The following VEGFA variants were observed in gnomAD, a reference collection of about 807,000 sequenced individuals.
The protein encoded by VEGFA is vascular endothelial growth factor A, also known as vascular endothelial growth factor A, long form.
A neutral mutation model predicts 49.7 loss-of-function variants in VEGFA; 20 were observed. The ratio of observed to expected loss-of-function variants is 0.40; its 90% CI spans 0.28 to 0.58. The LOEUF (loss-of-function observed/expected upper bound fraction) is 0.58, where lower values mean the gene tolerates loss of function less well. Among genes scored for constraint, VEGFA ranks in the 20% least tolerant of loss-of-function variants. VEGFA has a pLI of 0.40. For synonymous variants in VEGFA, 219 were observed against 223.4 expected (o/e 0.98, Z 0.18); for missense variants, 505 against 553.5 (o/e 0.91, Z 0.88).
In VEGFA at chr6:43,778,876, C is replaced by T; in HGVS notation, c.933-13C>T. 6.2e-7 allele frequency: 1 copy of T among 1,614,232 alleles called. No individual in the cohort carries two copies. The highest frequency in any genetic ancestry group is 8.5e-7 in the Non-Finnish European group (1 of 1,180,048). ...CCCTGTTTTGCTCTTTTCTCTCTCC[C>T]TACCCATTGCAGACCAAAGAAAGAT... On this transcript the variant is annotated splice_polypyrimidine_tract_variant and intron_variant, in intron 4 of 7. Transcript: ENST00000672860.
At position 43,786,335 on chromosome 6, in the gene VEGFA, G is replaced by C. The variant is rs1769444303; in HGVS notation, c.*1773G>C. On this transcript the variant is annotated 3_prime_UTR_variant, in exon 8 of 8. Coordinates refer to ENST00000672860, the MANE Select transcript of VEGFA (RefSeq NM_003376.6). ...TACTGTTTATCCGTAATAATTGTGG[G>C]GAAAAGATATTAACATCACGTCTTT... 2 of 178,508 alleles carry C rather than the reference G, an allele frequency of 1.1e-5. No homozygotes were observed. The highest frequency in any genetic ancestry group is 1.3e-4 in the Admixed American group (2 of 15,758). The allele number at this position is 178,508 out of a possible 1,614,324, so 11.1% of individuals were successfully genotyped here.
At chr6:43,776,088 T>C (rs780521343) in intron 2 of VEGFA, 4 of 152,216 alleles carry the variant, frequency 2.6e-5, no homozygotes, top group African/African-American at 4.8e-5. Flanking sequence ...AAACTTCATA[T>C]TACCCAGGCT....
Position 43,784,709 on chromosome 6 carries a change from G to A in VEGFA, c.*147G>A, listed in dbSNP as rs2128063512. 1 of 1,462,370 alleles carries A rather than the reference G, an allele frequency of 6.8e-7. No homozygotes were observed. Among genetic ancestry groups the A allele is most frequent in the South Asian group, 1.2e-5 (1 of 86,948 alleles). The allele number at this position is 1,462,370 out of a possible 1,614,324, so 90.6% of individuals were successfully genotyped here. A position where few individuals can be genotyped will look rare whatever the true frequency, so the allele number is the denominator to read the frequency against. On this transcript the variant is annotated 3_prime_UTR_variant, in exon 8 of 8. Coordinates refer to ENST00000672860, the MANE Select transcript of VEGFA (RefSeq NM_003376.6). ...AGAACAGTCCTTAATCCAGAAACCT[G>A]AAATGAAGGAAGAGGAGACTCTGCG... is the stretch of plus-strand genomic sequence containing the variant.
At position 43,782,080 on chromosome 6, in the gene VEGFA, A is replaced by G; in HGVS notation, c.1159A>G (p.Thr387Ala). Residue 387 changes from threonine (T) to alanine (A), a missense_variant, in exon 7 of 8, where the codon ACT (threonine) becomes GCT (alanine). By Grantham distance (58) the Thr-to-Ala change is moderately conservative. Coordinates refer to ENST00000672860, the MANE Select transcript of VEGFA (RefSeq NM_003376.6). The stretch of plus-strand genomic sequence containing the variant: ...GAGGCAGCTTGAGTTAAACGAACGT[A>G]CTTGCAGGTTGGTTCCCAGAGGGCA... The G allele has an allele frequency of 6.2e-7, 1 of 1,613,838 alleles. No homozygotes were observed. The highest frequency in any genetic ancestry group is 8.5e-7 in the Non-Finnish European group (1 of 1,179,934).
chr6:43,782,622 G>C (rs1278584073), intron 7 of VEGFA: 1 of 222,530 alleles, frequency 4.5e-6, no homozygotes, highest in African/African-American at 2.3e-5. Flanking sequence ...CCTCCCTGAG[G>C]AAAGGGTTGT....
In VEGFA at chr6:43,773,516, C is replaced by G. The variant is rs756050451; in HGVS notation, c.607-825C>G. On this transcript the variant is annotated intron_variant, in intron 1 of 7. Coordinates refer to ENST00000672860, the MANE Select transcript of VEGFA (RefSeq NM_003376.6). The surrounding 1 kb of genome is among the most constrained non-coding windows in gnomAD (Gnocchi z 5.6). ...GGCCTAAGGTGGTGCAGGGGGCCCC[C>G]TAGGGGCTGGGCAGTGCCAAGGCAT... is the stretch of plus-strand genomic sequence containing the variant. 1.3e-5 allele frequency: 2 copies of G among 152,296 alleles called. No homozygotes were observed. The highest frequency in any genetic ancestry group is 4.8e-5 in the African/African-American group (2 of 41,432). The allele number at this position is 152,296 out of a possible 1,614,324, so 9.4% of individuals were successfully genotyped here.
chr6:43,783,918 G>T, intron 7 of VEGFA: 1 of 159,380 alleles, frequency 6.3e-6, no homozygotes, highest in Non-Finnish European at 1.4e-5. Flanking sequence ...AGAGAGATGA[G>T]GCCTACAGCC....
In VEGFA at chr6:43,780,785, G is replaced by A. The variant is rs150806902; in HGVS notation, c.1016G>A (p.Arg339Gln). 5.1e-5 allele frequency: 83 copies of A among 1,612,638 alleles called. No homozygotes were observed. Among genetic ancestry groups the A allele is most frequent in the African/African-American group, 6.7e-5 (5 of 74,612 alleles). The change falls in exon 6 of 8, where the codon CGG (arginine) becomes CAG (glutamine). Residue 339 changes from arginine (R) to glutamine (Q), a missense_variant. Around this residue, in one of 2 missense-constraint regions of VEGFA, gnomAD observed 165 missense variants for 231.7 expected, o/e 0.71. Coordinates refer to ENST00000672860, the MANE Select transcript of VEGFA (RefSeq NM_003376.6). ...CAAAAACGAAAGCGCAAGAAATCCC[G>A]GTATAAGTCCTGGAGCGTGTACGTT...
In VEGFA at chr6:43,777,691, AG is replaced by A. The variant is rs759307029; in HGVS notation, c.855+33del. ...GTGGGCATCTTTGGGAAGTGGGGCA[AG>A]GGGGGGATAGGGAGGGGGGTAACAC... On this transcript the variant is annotated intron_variant, in intron 3 of 7. Coordinates refer to ENST00000672860, the MANE Select transcript of VEGFA (RefSeq NM_003376.6). The surrounding 1 kb of genome is among the most constrained non-coding windows in gnomAD (Gnocchi z 4.3). 3.2e-4 allele frequency: 233 copies of A among 732,658 alleles called. No homozygotes were observed. Among genetic ancestry groups the A allele is most frequent in the Non-Finnish European group, 4.2e-4 (188 of 443,186 alleles). 45.4% of individuals were successfully genotyped at this position (732,658 alleles called of 1,614,324 possible).
chr6:43,780,179 T>C (rs1766966642), intron 5 of VEGFA: 1 of 215,106 alleles, frequency 4.6e-6, no homozygotes, highest in Non-Finnish European at 9.4e-6. Context: ...GGTAGCCGCT[T>C]CCCCCACACC....
At chr6:43,784,057 C>G in intron 7 of VEGFA, 1 of 217,378 alleles carries the variant, frequency 4.6e-6, no homozygotes, top group Non-Finnish European at 9.3e-6. Flanking sequence ...CCCGGCCAAG[C>G]CTCTCTGCCT....
intron 7 of VEGFA, chr6:43,782,403 A>C: frequency 2.5e-6 from 1 of 400,530 alleles, no homozygotes; most frequent in Non-Finnish European, 4.8e-6. Context: ...CCTTCTGCTC[A>C]TAGTGGCTGT....
intron 6 of VEGFA, 29 bp downstream of exon 6, chr6:43,780,832 C>T (rs1265302549): frequency 1.2e-6 from 2 of 1,613,748 alleles, no homozygotes; most frequent in East Asian, 2.2e-5. Context: ...CTGTCTAATG[C>T]CCTGGAGCCT....
At position 43,784,174 on chromosome 6, in the gene VEGFA, A is replaced by G. The variant is rs1028900584; in HGVS notation, c.1167-367A>G. 7 of 371,018 alleles carry G rather than the reference A, an allele frequency of 1.9e-5. No individual in the cohort carries two copies. In the Admixed American group the frequency reaches 2.7e-4, roughly 15 times the overall value. 23.0% of individuals were successfully genotyped at this position (371,018 alleles called of 1,614,324 possible). A position where few individuals can be genotyped will look rare whatever the true frequency, so the allele number is the denominator to read the frequency against. On this transcript the variant is annotated intron_variant, in intron 7 of 7. Coordinates refer to ENST00000672860, the MANE Select transcript of VEGFA (RefSeq NM_003376.6). ...GAGCCTCTTCTGATTAACTTCATCCAGCTCTGGTCACCCATCAGCTCTTAA... is the reference window on the plus strand; with the variant it reads ...GAGCCTCTTCTGATTAACTTCATCCGGCTCTGGTCACCCATCAGCTCTTAA...
intron 2 of VEGFA, chr6:43,774,876 G>T: frequency 5.5e-6 from 1 of 183,212 alleles, no homozygotes; most frequent in African/African-American, 2.3e-5. Context: ...CTTTGGGGGT[G>T]GAGAAAACCC....
chr6:43,780,189 C>T lies in VEGFA; in HGVS notation c.963-543C>T, dbSNP rs1034419842. The T allele has an allele frequency of 6.8e-5, 15 of 219,546 alleles. No homozygotes were observed. In the East Asian group the frequency reaches 1.5e-3, roughly 22 times the overall value. The allele number at this position is 219,546 out of a possible 1,614,324, so 13.6% of individuals were successfully genotyped here. On this transcript the variant is annotated intron_variant, in intron 5 of 7. Transcript: ENST00000672860. ...CCCAAGGTAGCCGCTTCCCCCACAC[C>T]GGGATTCCCAGAGGTTCTGTCGCAG...
At chr6:43,781,307 C>T in intron 6 of VEGFA, 1 of 284,588 alleles carries the variant, frequency 3.5e-6, no homozygotes, top group Non-Finnish European at 6.8e-6. Flanking sequence ...GGCGGCCTCC[C>T]TTCATCTGGT....
Position 43,777,106 on chromosome 6 carries a change from G to A in VEGFA, c.659-363G>A. ...GCAAAGCTGGCTCTTCCTCCTTTTA[G>A]GGAAAGCTTAGAGCATCCCCATGGG... On this transcript the variant is annotated intron_variant, in intron 2 of 7. Transcript: ENST00000672860. This position sits in a 1 kb window ranked among gnomAD's most constrained non-coding sequence, Gnocchi z 4.3. 2.7e-6 allele frequency: 1 copy of A among 366,868 alleles called. No homozygotes were observed. Among genetic ancestry groups the A allele is most frequent in the Non-Finnish European group, 5.3e-6 (1 of 188,526 alleles). 22.7% of individuals were successfully genotyped at this position (366,868 alleles called of 1,614,324 possible).
Position 43,770,848 on chromosome 6 carries a change from C to G in VEGFA, c.142C>G (p.Arg48Gly), listed in dbSNP as rs1168841710. The change falls in exon 1 of 8, where the codon CGC becomes GGC. Residue 48 changes from arginine (R) to glycine (G), a missense_variant. Physicochemically the swap from Arg to Gly is moderately radical, Grantham distance 125. Transcript: ENST00000672860. ...AGGCGGGGTGGAGGGGGTCGGGGCT[C>G]GCGGCGTCGCACTGAAACTTTTCGT... is the stretch of plus-strand genomic sequence containing the variant. 6.5e-7 allele frequency: 1 copy of G among 1,532,976 alleles called. No homozygotes were observed. The highest frequency in any genetic ancestry group is 8.8e-7 in the Non-Finnish European group (1 of 1,141,140). The allele number at this position is 1,532,976 out of a possible 1,614,324, so 95.0% of individuals were successfully genotyped here. A position where few individuals can be genotyped will look rare whatever the true frequency, so the allele number is the denominator to read the frequency against.
Sources: gnomAD v4.1 joint callset for allele counts on GRCh38, gnomAD v4.1.1 for gene constraint, gnomAD v4.1.1 regional missense constraint, Gnocchi (gnomAD v3.1) non-coding constraint, MANE v1.5 for transcripts, NCBI Gene and HGNC (gene_info 2026-07-23, HGNC 2026-07-21) for gene names.